TET3: variants seen among roughly 807,000 people sequenced by gnomAD.
The protein encoded by TET3 is methylcytosine dioxygenase TET3.
Under a neutral mutation model 141.4 loss-of-function variants are expected in TET3, and 19 were observed. The ratio of observed to expected loss-of-function variants is 0.13; its 90% confidence interval spans 0.09 to 0.20. TET3 has a LOEUF of 0.20. TET3 is among the 10% of genes least tolerant of loss of function. The pLI is 1.00. For synonymous variants in TET3, 1,043 were observed against 980.9 expected (o/e 1.06, Z -1.18); for missense variants, 1,874 against 2,356.9 (o/e 0.80, Z 4.24).
At chr2:73,985,519 G>C in intron 1 of TET3, among the ~76,000 whole-genome samples, 1 of 146,012 alleles carries the variant, frequency 6.8e-6, no homozygotes, top group East Asian at 2.0e-4. Context: ...CTCCGGCGGC[G>C]GGCGCGGCGG....
At chr2:73,984,412 T>C (rs1046335862), upstream of TET3, among the ~76,000 whole-genome samples, 3 of 152,086 alleles carry the variant, frequency 2.0e-5, no homozygotes, top group Admixed American at 6.5e-5. This position sits in a 1 kb window ranked among gnomAD's most constrained non-coding sequence, Gnocchi z 5.6. Flanking sequence ...ATGTCCCCCA[T>C]TGTCCTGCCT....
chr2:74,016,153 A>G (rs1237731137), intron 3 of TET3, among the ~76,000 whole-genome samples: 1 of 152,102 alleles, frequency 6.6e-6, no homozygotes, highest in African/African-American at 2.4e-5. Flanking sequence ...GAATTGCTTG[A>G]GGCCAAGAGT....
intron 10 of TET3, among the ~76,000 whole-genome samples, chr2:74,098,223 A>G (rs905607909): frequency 2.0e-4 from 30 of 152,216 alleles, no homozygotes; most frequent in African/African-American, 7.2e-4. Flanking sequence ...AAATTTAGCT[A>G]AAAGGGTATT....
chr2:74,036,641 C>G (rs1687076870), intron 3 of TET3, among the ~76,000 whole-genome samples: 1 of 152,190 alleles, frequency 6.6e-6, no homozygotes, highest in Non-Finnish European at 1.5e-5. Flanking sequence ...GTCCTTATCT[C>G]TGATCTCCAC....
chr2:74,024,431 T>G (rs774529048), intron 3 of TET3, among the ~76,000 whole-genome samples: 4 of 152,122 alleles, frequency 2.6e-5, no homozygotes, highest in Non-Finnish European at 5.9e-5. Flanking sequence ...ACTCTGTTTC[T>G]CCTGTCAGCC....
chr2:74,129,868 C>T, the TET3 span, among the ~76,000 whole-genome samples: 2 of 151,832 alleles, frequency 1.3e-5, no homozygotes, highest in African/African-American at 4.8e-5. Context: ...CCGAGGTGGA[C>T]GGATTACCTG....
At chr2:74,110,074 G>C (rs1324038198), downstream of TET3, among the ~76,000 whole-genome samples, 2 of 152,184 alleles carry the variant, frequency 1.3e-5, no homozygotes, top group Non-Finnish European at 2.9e-5. Flanking sequence ...GACATAGCAA[G>C]TAATAAGAGC....
At position 74,001,526 on chromosome 2, in the gene TET3, A is replaced by G. The variant is rs1020016348; in HGVS notation, c.304-1584A>G. On this transcript the variant is annotated intron_variant, in intron 2 of 11. Transcript: ENST00000409262. Reference sequence around the variant, plus strand: ...AAAGAGAGGCTACGAGAGGTAAGTTACAACCAGCTAGGTAGTGATGGAGCC... The same window carrying G: ...AAAGAGAGGCTACGAGAGGTAAGTTGCAACCAGCTAGGTAGTGATGGAGCC... Among the ~76,000 whole-genome samples, 5 of 152,348 alleles carry G rather than the reference A, an allele frequency of 3.3e-5. No homozygotes were observed. The East Asian group carries it at 5.8e-4, about 18-fold the overall frequency.
chr2:74,069,788 C>T (rs564922839), intron 4 of TET3, among the ~76,000 whole-genome samples: 1 of 152,166 alleles, frequency 6.6e-6, no homozygotes, highest in South Asian at 2.1e-4. Context: ...TTTGTATTGA[C>T]AGGGTCTCAC....
intron 5 of TET3, among the ~76,000 whole-genome samples, chr2:74,074,059 C>T (rs1480689115): frequency 1.3e-5 from 2 of 152,116 alleles, no homozygotes; most frequent in East Asian, 3.9e-4. Flanking sequence ...CCAAAACTAC[C>T]TCATAGGTGG....
intron 3 of TET3, among the ~76,000 whole-genome samples, chr2:74,010,650 C>T (rs1311986009): frequency 6.6e-6 from 1 of 152,230 alleles, no homozygotes; most frequent in East Asian, 1.9e-4. Flanking sequence ...TCAAAGCTCC[C>T]CAGGTAATTT....
intron 3 of TET3, among the ~76,000 whole-genome samples, chr2:74,026,739 T>C (rs1398473343): frequency 1.3e-5 from 2 of 152,184 alleles, no homozygotes; most frequent in Non-Finnish European, 2.9e-5. Context: ...TTTTTTTTTT[T>C]TAATTCTAAG....
At chr2:73,993,855 T>C (rs1684448589) in intron 2 of TET3, 1 of 152,058 alleles carries the variant, frequency 6.6e-6, no homozygotes, top group Admixed American at 6.6e-5. Context: ...TAGTAGATGG[T>C]GGTGGTTGTG....
Position 74,101,748 on chromosome 2 carries a change from G to A in TET3, c.4960G>A (p.Val1654Met), listed in dbSNP as rs1691231249. ...HNFLDENIGG[V>M]AVAPAHGSIL... The stretch of plus-strand genomic sequence containing the variant: ...CTTCCTGGACGAGAACATCGGCGGC[G>A]TGGCCGTGGCCCCAGCCCACGGCTC... The change falls in exon 12 of 12, where the codon GTG (valine) becomes ATG (methionine). Residue 1654 changes from valine (V) to methionine (M), a missense_variant. Val to Met is a conservative substitution (Grantham distance 21). Coordinates refer to ENST00000409262, the MANE Select transcript of TET3 (RefSeq NM_001287491.2). The surrounding 1 kb of genome is among the most constrained non-coding windows in gnomAD (Gnocchi z 8.5). The A allele has an allele frequency of 1.2e-6, 2 of 1,613,072 alleles. No individual in the cohort carries two copies. Among genetic ancestry groups the A allele is most frequent in the African/African-American group, 1.3e-5 (1 of 74,924 alleles).
chr2:74,073,353 T>C (rs1272382566), intron 4 of TET3, among the ~76,000 whole-genome samples, 196 bp from the exon 5 acceptor site: 2 of 152,190 alleles, frequency 1.3e-5, no homozygotes, highest in Non-Finnish European at 2.9e-5. Context: ...GGTCCATATG[T>C]GATGGTGTTT....
At position 74,087,760 on chromosome 2, in the gene TET3, G is replaced by T; in HGVS notation, c.2680-70G>T. ...CTGCACCCTGGGTCTGTGTGACAAA[G>T]GGAGGGGTGGCACCATGCAGAGGAG... On this transcript the variant is annotated intron_variant, in intron 6 of 11. Coordinates refer to ENST00000409262, the MANE Select transcript of TET3 (RefSeq NM_001287491.2). This position sits in a 1 kb window ranked among gnomAD's most constrained non-coding sequence, Gnocchi z 4.3. 2 of 1,443,268 alleles carry T rather than the reference G, an allele frequency of 1.4e-6. No individual in the cohort carries two copies. Among genetic ancestry groups the T allele is most frequent in the South Asian group, 1.4e-5 (1 of 72,334 alleles). 89.4% of individuals were successfully genotyped at this position (1,443,268 alleles called of 1,614,324 possible). A position where few individuals can be genotyped will look rare whatever the true frequency, so the allele number is the denominator to read the frequency against.
chr2:74,023,489 T>A (rs1686171742), intron 3 of TET3, among the ~76,000 whole-genome samples: 1 of 151,384 alleles, frequency 6.6e-6, no homozygotes, highest in Non-Finnish European at 1.5e-5. Context: ...GTGATCGTCC[T>A]CCCTCGGCCT....
chr2:74,134,153 G>A, the TET3 span, among the ~76,000 whole-genome samples: 9 of 151,690 alleles, frequency 5.9e-5, no homozygotes, highest in South Asian at 2.1e-4. Context: ...CATTCTCACT[G>A]ACCACTGCCG....
chr2:74,023,030 C>T (rs1686138368), intron 3 of TET3, among the ~76,000 whole-genome samples: 1 of 152,158 alleles, frequency 6.6e-6, no homozygotes, highest in African/African-American at 2.4e-5. Flanking sequence ...TTGACCTCTG[C>T]CTCCCAAAGT....
Sources: allele counts gnomAD v4.1 joint callset (sites outside exome capture counted in the v4.1 genomes callset), GRCh38; gene constraint gnomAD v4.1.1; non-coding constraint Gnocchi (gnomAD v3.1); transcripts MANE v1.5; gene names NCBI Gene and HGNC (gene_info 2026-07-23, HGNC 2026-07-21).